Variants in JAZF1 observed in about 807,000 individuals in gnomAD.
JAZF1 encodes juxtaposed with another zinc finger protein 1.
A neutral mutation model predicts 26.4 loss-of-function variants in JAZF1; 8 were observed. The ratio of observed to expected loss-of-function variants is 0.30; its 90% confidence interval spans 0.18 to 0.55. The LOEUF is 0.55. Ranked by LOEUF, JAZF1 falls within the 20% of genes least tolerant of loss-of-function variation. The probability of loss-of-function intolerance (pLI) is 0.94; values close to 1 mark genes in which losing one functional copy is unlikely to be tolerated. For missense variants in JAZF1, 199 were observed against 322.0 expected (o/e 0.62, Z 2.92); for synonymous variants, 126 against 122.3 (o/e 1.03, Z -0.20).
chr7:28,028,697 T>G (rs1260943630), intron 1 of JAZF1, among the ~76,000 whole-genome samples: 1 of 152,192 alleles, frequency 6.6e-6, no homozygotes, highest in African/African-American at 2.4e-5. Context: ...AACAACTCTA[T>G]TAAGCGTTGG....
At chr7:28,137,180 G>C (rs531426591) in intron 1 of JAZF1, among the ~76,000 whole-genome samples, 1 of 152,334 alleles carries the variant, frequency 6.6e-6, no homozygotes, top group Non-Finnish European at 1.5e-5. Flanking sequence ...GCAGAGAACT[G>C]CGGTGCTGTT....
At chr7:27,929,814 A>C (rs1784656604) in intron 2 of JAZF1, among the ~76,000 whole-genome samples, 1 of 152,190 alleles carries the variant, frequency 6.6e-6, no homozygotes, top group East Asian at 1.9e-4. Context: ...AAATGCATGT[A>C]ATATATGTGG....
At chr7:28,121,722 G>T (rs961201947) in intron 1 of JAZF1, among the ~76,000 whole-genome samples, 5 of 152,198 alleles carry the variant, frequency 3.3e-5, no homozygotes, top group African/African-American at 1.2e-4. Context: ...TCTCTGTGGG[G>T]CCTAGAAAAA....
At chr7:28,166,935 T>C (rs554507391) in intron 1 of JAZF1, among the ~76,000 whole-genome samples, 1 of 152,332 alleles carries the variant, frequency 6.6e-6, no homozygotes, top group South Asian at 2.1e-4. Context: ...TTATTTTGAT[T>C]GTTTTTCTCC....
chr7:28,070,973 A>G (rs182800253), intron 1 of JAZF1, among the ~76,000 whole-genome samples: 131 of 152,354 alleles, frequency 8.6e-4, no homozygotes, highest in African/African-American at 3.0e-3. Context: ...ATTGACTGAA[A>G]TGAAAACTGT....
At chr7:28,080,276 T>C (rs1456660425) in intron 1 of JAZF1, among the ~76,000 whole-genome samples, 1 of 152,206 alleles carries the variant, frequency 6.6e-6, no homozygotes, top group African/African-American at 2.4e-5. Flanking sequence ...TGAAGAGACT[T>C]GGGGCCTTGC....
intron 1 of JAZF1, among the ~76,000 whole-genome samples, chr7:28,058,594 T>C (rs1783752474): frequency 6.6e-6 from 1 of 152,246 alleles, no homozygotes; most frequent in African/African-American, 2.4e-5. Flanking sequence ...TTTCATCTCA[T>C]TAATGTTCAG....
At chr7:28,169,817 A>G (rs892658280) in intron 1 of JAZF1, among the ~76,000 whole-genome samples, 3 of 152,200 alleles carry the variant, frequency 2.0e-5, no homozygotes, top group Admixed American at 1.3e-4. Context: ...TTTTGCCATT[A>G]CTTTCATAAT....
chr7:27,920,501 T>C (rs565010465), intron 2 of JAZF1, among the ~76,000 whole-genome samples: 1 of 152,348 alleles, frequency 6.6e-6, no homozygotes, highest in East Asian at 1.9e-4. Context: ...TATATGACGA[T>C]GTGTCATATG....
At chr7:27,990,043 A>C (rs1298755483) in intron 2 of JAZF1, among the ~76,000 whole-genome samples, 3 of 152,232 alleles carry the variant, frequency 2.0e-5, no homozygotes, top group Non-Finnish European at 4.4e-5. Flanking sequence ...CCAAATGTCC[A>C]TCAGTGATAG....
chr7:27,924,977 A>G (rs1437825442), intron 2 of JAZF1, among the ~76,000 whole-genome samples: 2 of 152,252 alleles, frequency 1.3e-5, no homozygotes, highest in Non-Finnish European at 2.9e-5. Context: ...TGCCAGACAT[A>G]TATTTTTAAA....
chr7:28,016,734 C>G (rs1447299539), intron 1 of JAZF1, among the ~76,000 whole-genome samples: 3 of 152,216 alleles, frequency 2.0e-5, no homozygotes, highest in Non-Finnish European at 4.4e-5. Context: ...CACAATCCCT[C>G]CCTAAAGAGC....
chr7:28,166,909 G>A (rs1027908765), intron 1 of JAZF1, among the ~76,000 whole-genome samples: 2 of 152,018 alleles, frequency 1.3e-5, no homozygotes, highest in Admixed American at 1.3e-4. Flanking sequence ...TTAACAAAAA[G>A]CAGAAATGTA....
rs149342273 is a variant in JAZF1 at position 28,125,069 on chromosome 7, A to G, written c.115+55394T>C. 3.4e-4 allele frequency among the ~76,000 whole-genome samples: 51 copies of G among 152,156 alleles called. 1 individual carries two copies. Among genetic ancestry groups the G allele is most frequent in the Non-Finnish European group, 5.7e-4 (39 of 68,006 alleles). ...CTGAATGCTTAATCAGCTGTCTGTC[A>G]CTTTCTGAATAGTGCCTAATATTCT... On this transcript the variant is annotated intron_variant, in intron 1 of 4. Transcript: ENST00000283928.
intron 3 of JAZF1, among the ~76,000 whole-genome samples, chr7:27,846,160 T>A (rs1239917147): frequency 2.0e-5 from 3 of 152,122 alleles, no homozygotes; most frequent in Non-Finnish European, 4.4e-5. Context: ...TTATTCCCTA[T>A]CTCTGTATAT....
Position 27,934,862 on chromosome 7 carries a change from G to A in JAZF1, c.189-39446C>T, listed in dbSNP as rs188978358. ...AGAAAAAACTAGATAATTAGACTTC[G>A]TTAAAACTAAAACTTTAGTGTTGCA... On this transcript the variant is annotated intron_variant, in intron 2 of 4. Coordinates refer to ENST00000283928, the MANE Select transcript of JAZF1 (RefSeq NM_175061.4). 1.8e-3 allele frequency among the ~76,000 whole-genome samples: 270 copies of A among 152,226 alleles called. 2 individuals carry two copies. The highest frequency in any genetic ancestry group is 3.4e-3 in the Middle Eastern group (1 of 294).
intron 1 of JAZF1, among the ~76,000 whole-genome samples, chr7:28,179,537 C>T (rs1783601456): frequency 6.6e-6 from 1 of 151,848 alleles, no homozygotes; most frequent in African/African-American, 2.4e-5. Flanking sequence ...AGCCGGGGTG[C>T]ATTTAAATGC....
intron 1 of JAZF1, among the ~76,000 whole-genome samples, chr7:28,114,543 A>G (rs1417195175): frequency 1.3e-5 from 2 of 151,738 alleles, no homozygotes; most frequent in Non-Finnish European, 2.9e-5. Context: ...AGCATCATCA[A>G]GGCAAACTGG....
intron 1 of JAZF1, among the ~76,000 whole-genome samples, chr7:28,122,748 C>A (rs1207873812): frequency 6.6e-6 from 1 of 152,064 alleles, no homozygotes; most frequent in Non-Finnish European, 1.5e-5. Context: ...CTCATGTGTT[C>A]ATTCATTCAT....
Sources: gnomAD v4.1 joint callset for allele counts (sites outside exome capture counted in the v4.1 genomes callset) on GRCh38, gnomAD v4.1.1 for gene constraint, MANE v1.5 for transcripts, NCBI Gene and HGNC (gene_info 2026-07-23, HGNC 2026-07-21) for gene names.